MVB12A: variants seen among roughly 807,000 people sequenced by gnomAD.
MVB12A encodes CIN85/CD2AP family binding protein.
A neutral mutation model predicts 34.3 loss-of-function variants in MVB12A; 30 were observed. That is an observed-to-expected ratio of 0.88 (90% confidence interval 0.65 to 1.19). The LOEUF is 1.19. Among genes scored for constraint, MVB12A ranks in the 50% most tolerant of loss-of-function variants. The probability of loss-of-function intolerance (pLI) is 0.00; values close to 1 mark genes in which losing one functional copy is unlikely to be tolerated. For synonymous variants in MVB12A, 158 were observed against 158.9 expected (o/e 0.99, Z 0.04); for missense variants, 355 against 369.2 (o/e 0.96, Z 0.31).
At chr19:17,424,192 C>T in intron 7 of MVB12A, 125 bp downstream of exon 7, 1 of 913,864 alleles carries the variant, frequency 1.1e-6, no homozygotes, top group Non-Finnish European at 1.7e-6. Context: ...GAGTGTGTCA[C>T]CTCCAGGTGG....
rs1024250143 is a variant in MVB12A at position 17,424,041 on chromosome 19, T to C, written c.676T>C (p.Phe226Leu). Residue 226 changes from phenylalanine to leucine, a missense_variant, in exon 7 of 9, where the codon TTT becomes CTT. Physicochemically the swap from Phe to Leu is conservative, Grantham distance 22. Transcript: ENST00000317040. Reference sequence around the variant, plus strand: ...GGTTCCCTTCACACTCCACCCACGATTTGAGGGCAAGAGCTGCAGCCCCCT... The same window carrying C: ...GGTTCCCTTCACACTCCACCCACGACTTGAGGGCAAGAGCTGCAGCCCCCT... ...DGVPFTLHPR[F>L]EGKSCSPLAF... 1 of 1,614,104 alleles carries C rather than the reference T, an allele frequency of 6.2e-7. No individual in the cohort carries two copies. The highest frequency in any genetic ancestry group is 8.5e-7 in the Non-Finnish European group (1 of 1,180,024).
chr19:17,417,304 C>G (rs1367333707), upstream of MVB12A: 1 of 181,590 alleles, frequency 5.5e-6, no homozygotes, highest in Non-Finnish European at 1.1e-5. Context: ...CTGAACAGAA[C>G]ATGAAGAATC....
intron 7 of MVB12A, 33 bp from the exon 8 acceptor site, chr19:17,424,588 C>T (rs758547793): frequency 1.2e-5 from 20 of 1,603,868 alleles, no homozygotes; most frequent in Admixed American, 3.4e-5. Context: ...AGGTTGAGAT[C>T]GGGCCCAAGG....
At chr19:17,407,494 T>C (rs553881180) in intron 2 of MVB12A, among the ~76,000 whole-genome samples, 23 of 152,258 alleles carry the variant, frequency 1.5e-4, no homozygotes, top group Middle Eastern at 3.4e-3. Context: ...GTGGGTCACG[T>C]GTCCACTGGA....
At chr19:17,418,376 A>ATTATTATTATTAT (rs2074814954), upstream of MVB12A, 7 of 141,154 alleles carry the variant, frequency 5.0e-5, no homozygotes, top group East Asian at 1.2e-3. Context: ...GTAAAAAAGC[A>ATTATTATTATTAT]TATTATTATT....
At chr19:17,411,030 G>A (rs143487272) in intron 2 of MVB12A, among the ~76,000 whole-genome samples, 14,263 of 150,004 alleles carry the variant, frequency 0.095, 875 homozygotes, top group Non-Finnish European at 0.13. Context: ...GTGCAGTGGC[G>A]CGATCTCCAC....
chr19:17,420,153 G>A lies in MVB12A; in HGVS notation c.18G>A (p.Gly6=). Residue 6 remains glycine (G), a synonymous_variant, in exon 1 of 9, where the codon GGG becomes GGA. Coordinates refer to ENST00000317040, the MANE Select transcript of MVB12A (RefSeq NM_138401.4). MDPVP[G]TDSAPLAGLA... The stretch of plus-strand genomic sequence containing the variant: ...CTCGCAGGATGGATCCCGTACCCGG[G>A]ACAGACTCGGCGCCGCTGGCTGGCC... 1 of 1,386,226 alleles carries A rather than the reference G, an allele frequency of 7.2e-7. No homozygotes were observed. 85.9% of individuals were successfully genotyped at this position (1,386,226 alleles called of 1,614,324 possible).
intron 2 of MVB12A, among the ~76,000 whole-genome samples, chr19:17,410,497 C>CATATATATATATATATAT (rs373127253): frequency 1.4e-3 from 105 of 77,566 alleles, no homozygotes; most frequent in Non-Finnish European, 1.9e-3. Context: ...GTTTTAGCTT[C>CATATATATATATATATAT]ATATATATAT....
At chr19:17,411,362 T>C (rs1424818505) in intron 2 of MVB12A, among the ~76,000 whole-genome samples, 1 of 151,990 alleles carries the variant, frequency 6.6e-6, no homozygotes, top group Non-Finnish European at 1.5e-5. Flanking sequence ...CCCTCTTTTA[T>C]TTATTTATTA....
intron 1 of MVB12A, 33 bp from the exon 2 acceptor site, chr19:17,420,280 G>C: frequency 6.4e-7 from 1 of 1,559,906 alleles, no homozygotes; most frequent in African/African-American, 1.4e-5. Flanking sequence ...CTGTGGGGTG[G>C]GAGTCCGGCG....
In MVB12A at chr19:17,420,556, G is replaced by A; in HGVS notation, c.208G>A (p.Val70Met). The change falls in exon 3 of 9, where the codon GTG (valine) becomes ATG (methionine). Residue 70 changes from valine to methionine, a missense_variant. By Grantham distance (21) the Val-to-Met change is conservative. Transcript: ENST00000317040. The stretch of plus-strand genomic sequence containing the variant: ...CCCCCAGAACCCGCAGGAGAACGTG[G>A]TGGCCGATATCCAGATCGTGGTGGA... ...GSLENPQENVVADIQIVVDKS... is the reference protein window; with the variant it reads ...GSLENPQENVMADIQIVVDKS... 2 of 1,613,970 alleles carry A rather than the reference G, an allele frequency of 1.2e-6. No homozygotes were observed. The highest frequency in any genetic ancestry group is 1.7e-6 in the Non-Finnish European group (2 of 1,179,892).
chr19:17,410,529 T>TATATATAG, intron 2 of MVB12A, among the ~76,000 whole-genome samples: 1 of 74,480 alleles, frequency 1.3e-5, no homozygotes, highest in African/African-American at 6.6e-5. Context: ...TATATATATA[T>TATATATAG]ACACACACAC....
intron 2 of MVB12A, among the ~76,000 whole-genome samples, chr19:17,410,223 C>T (rs938393706): frequency 2.0e-5 from 3 of 151,046 alleles, no homozygotes; most frequent in Admixed American, 6.6e-5. Context: ...CAGGCTGGAG[C>T]GCAGTGGTGC....
At chr19:17,420,710 G>T (rs1054774662) in intron 3 of MVB12A, 76 bp downstream of exon 3, 3 of 1,071,960 alleles carry the variant, frequency 2.8e-6, no homozygotes, top group Admixed American at 1.9e-5. Context: ...CGACGGGCGC[G>T]CGGTATCTGA....
In MVB12A at chr19:17,423,734, C is replaced by G. The variant is rs768842856; in HGVS notation, c.575C>G (p.Ser192Cys). Residue 192 changes from serine to cysteine, a missense_variant, in exon 6 of 9, where the codon TCT becomes TGT. Physicochemically the swap from Ser to Cys is moderately radical, Grantham distance 112. Transcript: ENST00000317040. The part of the protein sequence containing the change: ...LLERTASRLG[S>C]RASTLRRNDS... ...GAGCGGACAGCGTCAAGGCTGGGCT[C>G]TCGGGCATCCACTCTGCGGAGGAAT... is the stretch of plus-strand genomic sequence containing the variant. 2 of 1,614,004 alleles carry G rather than the reference C, an allele frequency of 1.2e-6. No homozygotes were observed. Among genetic ancestry groups the G allele is most frequent in the Non-Finnish European group, 1.7e-6 (2 of 1,179,946 alleles).
At chr19:17,405,987 G>A in intron 1 of MVB12A, 1 of 159,724 alleles carries the variant, frequency 6.3e-6, no homozygotes, top group South Asian at 1.6e-4. Context: ...GGGAAACTGA[G>A]GTTGCACAGT....
chr19:17,417,591 G>A (rs1323015967), upstream of MVB12A: 1 of 151,562 alleles, frequency 6.6e-6, no homozygotes. Context: ...GGGCAACAGA[G>A]CGAGACTCCG....
intron 4 of MVB12A, chr19:17,422,688 C>G: frequency 3.5e-6 from 1 of 284,648 alleles, no homozygotes; most frequent in Non-Finnish European, 6.4e-6. Flanking sequence ...CGGTGGCTCA[C>G]GCCTGTAATC....
intron 2 of MVB12A, among the ~76,000 whole-genome samples, chr19:17,407,875 G>A (rs776245464): frequency 1.2e-4 from 18 of 152,194 alleles, no homozygotes; most frequent in Non-Finnish European, 2.2e-4. Context: ...TTTCGCTACC[G>A]CTAGACCACT....
Sources: allele counts gnomAD v4.1 joint callset (sites outside exome capture counted in the v4.1 genomes callset), GRCh38; gene constraint gnomAD v4.1.1; transcripts MANE v1.5; gene names NCBI Gene and HGNC (gene_info 2026-07-23, HGNC 2026-07-21).